GNA12: variants seen among roughly 807,000 people sequenced by gnomAD.
GNA12 encodes the protein G protein subunit alpha 12.
In GNA12, 9 loss-of-function variants were observed where a neutral mutation model predicts 26.0. That is an observed-to-expected ratio of 0.35 (90% CI 0.21 to 0.60). The LOEUF is 0.60. GNA12 is among the 20% of genes least tolerant of loss of function. The pLI is 0.78. For missense variants in GNA12, 405 were observed against 525.8 expected (o/e 0.77, Z 2.25); for synonymous variants, 264 against 219.6 (o/e 1.20, Z -1.79).
intron 1 of GNA12, among the ~76,000 whole-genome samples, chr7:2,824,402 TGCG>T (rs1182391321): frequency 6.6e-6 from 1 of 152,228 alleles, no homozygotes; most frequent in Non-Finnish European, 1.5e-5. Context: ...CCTCTGGGTC[TGCG>T]GAGGCCTCTG....
Position 2,729,267 on chromosome 7 carries a change from C to T in GNA12, c.*1914G>A, listed in dbSNP as rs942025181. Reference sequence around the variant, plus strand: ...CAAACAAAGCTCACCACGCTCCGGACCGGGCTGCGCGTCACTGTTGCAGAC... The same window carrying T: ...CAAACAAAGCTCACCACGCTCCGGATCGGGCTGCGCGTCACTGTTGCAGAC... On this transcript the variant is annotated 3_prime_UTR_variant, in exon 4 of 4. Transcript: ENST00000275364. 1 of 152,358 alleles carries T rather than the reference C, an allele frequency of 6.6e-6. No homozygotes were observed. Among genetic ancestry groups the T allele is most frequent in the East Asian group, 1.9e-4 (1 of 5,314 alleles). 9.4% of individuals were successfully genotyped at this position (152,358 alleles called of 1,614,324 possible). A position where few individuals can be genotyped will look rare whatever the true frequency, so the allele number is the denominator to read the frequency against.
intron 1 of GNA12, among the ~76,000 whole-genome samples, chr7:2,810,715 CCTAT>C (rs1793059828): frequency 6.6e-6 from 1 of 152,042 alleles, no homozygotes; most frequent in African/African-American, 2.4e-5. Flanking sequence ...ATGTTAAAGC[CCTAT>C]CTATCTCTGC....
intron 1 of GNA12, among the ~76,000 whole-genome samples, chr7:2,829,835 T>C (rs1175414047): frequency 6.6e-6 from 1 of 152,218 alleles, no homozygotes; most frequent in African/African-American, 2.4e-5. Context: ...TTCCTGATTC[T>C]GTTTCTACCT....
chr7:2,779,491 C>CA (rs1279567618), intron 2 of GNA12, among the ~76,000 whole-genome samples: 1 of 151,218 alleles, frequency 6.6e-6, no homozygotes, highest in Non-Finnish European at 1.5e-5. Context: ...GCCTGGGAGA[C>CA]AGAGTGAGAC....
chr7:2,783,861 T>A (rs919459748), intron 2 of GNA12, among the ~76,000 whole-genome samples: 2 of 151,830 alleles, frequency 1.3e-5, no homozygotes, highest in African/African-American at 2.4e-5. Context: ...ATTTTTGTAT[T>A]TTTAGTAGAG....
chr7:2,803,825 A>T (rs1033816609), intron 1 of GNA12, among the ~76,000 whole-genome samples: 19 of 152,234 alleles, frequency 1.2e-4, no homozygotes, highest in African/African-American at 4.6e-4. Context: ...AACAAACAAA[A>T]AAACAACTCC....
chr7:2,795,229 T>A, intron 1 of GNA12, 86 bp from the exon 2 acceptor site: 1 of 990,788 alleles, frequency 1.0e-6, no homozygotes, highest in Non-Finnish European at 1.6e-6. Flanking sequence ...GCATCCATTG[T>A]CATAACGCAG....
At chr7:2,739,080 C>T (rs528812293) in intron 2 of GNA12, among the ~76,000 whole-genome samples, 30 of 152,304 alleles carry the variant, frequency 2.0e-4, no homozygotes, top group African/African-American at 7.0e-4. Flanking sequence ...GGTGTGTCCT[C>T]GGCGTGTGCA....
chr7:2,812,405 G>C (rs1793102221), intron 1 of GNA12, among the ~76,000 whole-genome samples: 1 of 152,104 alleles, frequency 6.6e-6, no homozygotes, highest in Non-Finnish European at 1.5e-5. Flanking sequence ...TGAGGCGGGC[G>C]GACCACTTGA....
chr7:2,821,613 A>AGAG lies in GNA12; in HGVS notation c.309+22237_309+22239dup, dbSNP rs1793372423. Among the ~76,000 whole-genome samples, 3 of 152,346 alleles carry AGAG rather than the reference A, an allele frequency of 2.0e-5. No homozygotes were observed. The South Asian group carries it at 6.2e-4, about 32-fold the overall frequency. ...CCCCAAACGGTGTGCCCTATGGACA[A>AGAG]GAGAAACTCCTGCAGTTATTCTATT... On this transcript the variant is annotated intron_variant, in intron 1 of 3. Coordinates refer to ENST00000275364, the MANE Select transcript of GNA12 (RefSeq NM_007353.3).
intron 2 of GNA12, among the ~76,000 whole-genome samples, chr7:2,750,899 G>A (rs1482750881): frequency 1.3e-5 from 2 of 152,200 alleles, no homozygotes; most frequent in East Asian, 3.8e-4. Flanking sequence ...GGTGCGAATG[G>A]AAAGGTGGAC....
At chr7:2,759,193 T>A (rs963870396) in intron 2 of GNA12, among the ~76,000 whole-genome samples, 18 of 149,366 alleles carry the variant, frequency 1.2e-4, no homozygotes, top group South Asian at 2.1e-4. Flanking sequence ...ATAAATAAAA[T>A]AAAAATAAAA....
chr7:2,746,347 C>T (rs1049030893), intron 2 of GNA12, among the ~76,000 whole-genome samples: 9 of 152,196 alleles, frequency 5.9e-5, no homozygotes, highest in Admixed American at 2.0e-4. Flanking sequence ...TGCAATCAAA[C>T]TAGAACTCAG....
At chr7:2,769,239 T>A (rs904667132) in intron 2 of GNA12, among the ~76,000 whole-genome samples, 6 of 152,140 alleles carry the variant, frequency 3.9e-5, no homozygotes, top group African/African-American at 1.4e-4. Context: ...CTTCATTCCT[T>A]CTAATAGCCA....
chr7:2,782,144 A>G (rs963808587), intron 2 of GNA12, among the ~76,000 whole-genome samples: 1 of 152,262 alleles, frequency 6.6e-6, no homozygotes, highest in Non-Finnish European at 1.5e-5. Flanking sequence ...ACCATATACA[A>G]AAATTAACTC....
intron 2 of GNA12, among the ~76,000 whole-genome samples, chr7:2,765,615 G>C (rs548947285): frequency 1.4e-5 from 2 of 145,968 alleles, no homozygotes; most frequent in Non-Finnish European, 1.5e-5. Context: ...TCCTGTGTTT[G>C]TTTTTTTTTT....
rs757529995 is a variant in GNA12, at chr7:2,814,362, G to A, written c.310-19219C>T. On this transcript the variant is annotated intron_variant, in intron 1 of 3. Coordinates refer to ENST00000275364, the MANE Select transcript of GNA12 (RefSeq NM_007353.3). ...AGGTGCTCAAAACGGCAGCACTTTC[G>A]GTTTCCATCTGGTGTGCTTCCCGAA... 32 of 1,602,822 alleles carry A rather than the reference G, an allele frequency of 2.0e-5. No homozygotes were observed. In the East Asian group the frequency reaches 2.5e-4, roughly 12 times the overall value.
At chr7:2,814,840 C>A (rs373415563) in intron 1 of GNA12, 2 of 1,585,696 alleles carry the variant, frequency 1.3e-6, no homozygotes, top group South Asian at 2.3e-5. Flanking sequence ...CCGACAGCAC[C>A]GGGTGTGCAC....
intron 2 of GNA12, among the ~76,000 whole-genome samples, chr7:2,740,113 T>A (rs1429064886): frequency 6.6e-6 from 1 of 152,196 alleles, no homozygotes; most frequent in Non-Finnish European, 1.5e-5. Context: ...TGTTTTCTGA[T>A]TTTTAAAAAC....
Sources: gnomAD v4.1 joint callset for allele counts (sites outside exome capture counted in the v4.1 genomes callset) on GRCh38, gnomAD v4.1.1 for gene constraint, MANE v1.5 for transcripts, NCBI Gene and HGNC (gene_info 2026-07-23, HGNC 2026-07-21) for gene names.